The following CHRNA3 variants were observed in gnomAD, a reference collection of about 807,000 sequenced individuals.
The protein encoded by CHRNA3 is cholinergic receptor nicotinic alpha 3 subunit, also known as neuronal acetylcholine receptor subunit alpha-3.
In CHRNA3, 34 loss-of-function variants were observed where a neutral mutation model predicts 41.9. That is an observed-to-expected ratio of 0.81 (90% CI 0.62 to 1.08). The LOEUF (loss-of-function observed/expected upper bound fraction) is 1.08. Among genes scored for constraint, CHRNA3 ranks in the 50% least tolerant of loss-of-function variants. The pLI is 0.00. For synonymous variants in CHRNA3, 281 were observed against 265.2 expected (o/e 1.06, Z -0.58); for missense variants, 542 against 638.3 (o/e 0.85, Z 1.63).
rs1420934335 is a variant in CHRNA3 at position 78,620,849 on chromosome 15, C to A, written c.-55G>T. On this transcript the variant is annotated 5_prime_UTR_variant, in exon 1 of 6. Coordinates refer to ENST00000326828, the MANE Select transcript of CHRNA3 (RefSeq NM_000743.5). ...GACGGTCGGGAGCGGGCGCGGCGGT[C>A]GCAGAGACGGCCTCTCCCCGCGCGG... 2 of 1,325,960 alleles carry A rather than the reference C, an allele frequency of 1.5e-6. No individual in the cohort carries two copies. The highest frequency in any genetic ancestry group is 4.2e-5 in the South Asian group (2 of 47,726). The allele number at this position is 1,325,960 out of a possible 1,614,324, so 82.1% of individuals were successfully genotyped here.
intron 4 of CHRNA3, among the ~76,000 whole-genome samples, chr15:78,602,906 C>T (rs898467091): frequency 4.6e-5 from 7 of 152,166 alleles, no homozygotes; most frequent in African/African-American, 1.2e-4. Flanking sequence ...CCTTGTCTTT[C>T]GAATTCAGCC....
At position 78,601,625 on chromosome 15, in the gene CHRNA3, G is replaced by C; in HGVS notation, c.1017C>G (p.Pro339=). ...TCAAGAATACAGTCTTCACCCATGA[G>C]GGCATTGTGTGTGTCGTCGGGGTTC... ...HYRTPTTHTM[P]SWVKTVFLNL... The change falls in exon 5 of 6, where the codon CCC becomes CCG. Residue 339 remains proline (P), a synonymous_variant. Transcript: ENST00000326828. 1.2e-6 allele frequency: 2 copies of C among 1,614,192 alleles called. No homozygotes were observed. Among genetic ancestry groups the C allele is most frequent in the Non-Finnish European group, 1.7e-6 (2 of 1,180,046 alleles).
rs1451264295 is a variant in CHRNA3, at chr15:78,617,005, G to A, written c.377+19C>T. 6.3e-7 allele frequency: 1 copy of A among 1,576,364 alleles called. No individual in the cohort carries two copies. Among genetic ancestry groups the A allele is most frequent in the Admixed American group, 1.7e-5 (1 of 59,352 alleles). On this transcript the variant is annotated intron_variant, in intron 4 of 5. Coordinates refer to ENST00000326828, the MANE Select transcript of CHRNA3 (RefSeq NM_000743.5). ...CAGGCTGACAGCCCTGAGAGGGCGTGGGCCCCCCAGCACCTTACTTGTTAT... is the reference window on the plus strand; with the variant it reads ...CAGGCTGACAGCCCTGAGAGGGCGTAGGCCCCCCAGCACCTTACTTGTTAT...
intron 4 of CHRNA3, among the ~76,000 whole-genome samples, chr15:78,614,366 C>T (rs2053431141): frequency 1.3e-5 from 2 of 152,190 alleles, no homozygotes; most frequent in Admixed American, 1.3e-4. Context: ...AATCTGCAAG[C>T]CTGTTGAGTT....
At chr15:78,619,506 C>T (rs2053517201) in intron 1 of CHRNA3, among the ~76,000 whole-genome samples, 1 of 152,076 alleles carries the variant, frequency 6.6e-6, no homozygotes, top group Non-Finnish European at 1.5e-5. Context: ...TCTTCTACCT[C>T]CCAGCCTCCG....
chr15:78,598,065 T>C (rs1275240547), intron 5 of CHRNA3, among the ~76,000 whole-genome samples: 1 of 152,162 alleles, frequency 6.6e-6, no homozygotes, highest in Non-Finnish European at 1.5e-5. Context: ...AGCCACCTCC[T>C]AAGGCTCTAG....
intron 4 of CHRNA3, among the ~76,000 whole-genome samples, chr15:78,615,598 ACC>A (rs1362941721): frequency 1.3e-5 from 2 of 152,164 alleles, no homozygotes; most frequent in African/African-American, 4.8e-5. Context: ...TCCTAGGCCT[ACC>A]CAGACCCACT....
At position 78,601,488 on chromosome 15, in the gene CHRNA3, C is replaced by T. The variant is rs199640841; in HGVS notation, c.1154G>A (p.Arg385His). The T allele has an allele frequency of 2.2e-5, 36 of 1,614,018 alleles. No individual in the cohort carries two copies. Among genetic ancestry groups the T allele is most frequent in the East Asian group, 1.3e-4 (6 of 44,876 alleles). The part of the protein sequence containing the change: ...AELSNLNCFS[R>H]AESKGCKEGY... ...CTCCTTGCAGCCTTTGGACTCTGCG[C>T]GGCTGAAGCAATTCAGATTTGAGAG... Residue 385 changes from arginine to histidine, a missense_variant, in exon 5 of 6, where the codon CGC becomes CAC. Physicochemically the swap from Arg to His is conservative, Grantham distance 29. Coordinates refer to ENST00000326828, the MANE Select transcript of CHRNA3 (RefSeq NM_000743.5).
At chr15:78,618,255 A>C (rs992100261) in intron 3 of CHRNA3, 4 of 239,602 alleles carry the variant, frequency 1.7e-5, no homozygotes, top group African/African-American at 7.3e-5. Flanking sequence ...TGGAAAAAAA[A>C]CTGAGTTTTT....
chr15:78,614,792 A>G (rs2053437499), intron 4 of CHRNA3, among the ~76,000 whole-genome samples: 1 of 152,214 alleles, frequency 6.6e-6, no homozygotes, highest in Non-Finnish European at 1.5e-5. Context: ...ATACCCAGAG[A>G]ACTAACTAGC....
chr15:78,601,572 G>A lies in CHRNA3; in HGVS notation c.1070C>T (p.Thr357Ile). 6.2e-7 allele frequency: 1 copy of A among 1,614,112 alleles called. No individual in the cohort carries two copies. Among genetic ancestry groups the A allele is most frequent in the Non-Finnish European group, 8.5e-7 (1 of 1,180,036 alleles). ...LNLLPRVMFM[T>I]RPTSNEGNAQ... ...GTTGCCCTCGTTGCTTGTTGGCCTG[G>A]TCATGAACATGACCCTGGGGAGCAG... The change falls in exon 5 of 6, where the codon ACC (threonine) becomes ATC (isoleucine). Residue 357 changes from threonine (T) to isoleucine (I), a missense_variant. Transcript: ENST00000326828.
chr15:78,598,911 G>A (rs1423399114), intron 5 of CHRNA3, among the ~76,000 whole-genome samples: 1 of 146,202 alleles, frequency 6.8e-6, no homozygotes, highest in African/African-American at 2.6e-5. Flanking sequence ...TTGGCTCACT[G>A]CAACCTCTGT....
intron 4 of CHRNA3, among the ~76,000 whole-genome samples, chr15:78,608,952 C>T (rs1374243065): frequency 3.3e-5 from 5 of 151,890 alleles, no homozygotes; most frequent in Admixed American, 2.0e-4. Flanking sequence ...CCTCAGGAGC[C>T]GATGCAATCA....
intron 4 of CHRNA3, among the ~76,000 whole-genome samples, chr15:78,606,578 A>T (rs996980940): frequency 6.6e-6 from 1 of 152,084 alleles, no homozygotes; most frequent in African/African-American, 2.4e-5. Flanking sequence ...GAATTAGGAA[A>T]AAGAAAAAAA....
intron 5 of CHRNA3, among the ~76,000 whole-genome samples, chr15:78,600,231 C>T (rs990304961): frequency 1.3e-5 from 2 of 152,068 alleles, no homozygotes; most frequent in African/African-American, 2.4e-5. Context: ...CGTGCCACCA[C>T]GCCTGGCTAA....
chr15:78,598,834 C>A (rs1317527279), intron 5 of CHRNA3, among the ~76,000 whole-genome samples: 2 of 121,766 alleles, frequency 1.6e-5, no homozygotes, highest in East Asian at 4.4e-4. Context: ...CTGCACCCGG[C>A]ATTTTTTTTT....
In CHRNA3 at chr15:78,601,835, G is replaced by C; in HGVS notation, c.807C>G (p.Cys269Trp). 6.2e-7 allele frequency: 1 copy of C among 1,614,084 alleles called. No individual in the cohort carries two copies. The highest frequency in any genetic ancestry group is 8.5e-7 in the Non-Finnish European group (1 of 1,180,018). Residue 269 changes from cysteine (C) to tryptophan (W), a missense_variant, in exon 5 of 6, where the codon TGC becomes TGG. Transcript: ENST00000326828. ...TVLVFYLPSD[C>W]GEKVTLCISV... ...AAATGCACAGGGTCACCTTCTCACC[G>C]CAGTCGGAGGGCAGGTAGAAGACGA...
chr15:78,596,749 TAAAA>T lies in CHRNA3; in HGVS notation c.1390-21_1390-18del, dbSNP rs149274426. ...ATCTTGAATCTGCAAAACAAAATGATAAAAGAAAAAAAACATGGAGGGAAAGGCA... is the reference window on the plus strand; with the variant it reads ...ATCTTGAATCTGCAAAACAAAATGATGAAAAAAAACATGGAGGGAAAGGCA... On this transcript the variant is annotated intron_variant, in intron 5 of 5. Coordinates refer to ENST00000326828, the MANE Select transcript of CHRNA3 (RefSeq NM_000743.5). 736 of 1,584,712 alleles carry T rather than the reference TAAAA, an allele frequency of 4.6e-4. 5 individuals carry two copies. In the African/African-American group the frequency reaches 9.3e-3, roughly 20 times the overall value.
Position 78,601,739 on chromosome 15 carries a change from G to T in CHRNA3, c.903C>A (p.Ile301=). 6.2e-7 allele frequency: 1 copy of T among 1,614,162 alleles called. No individual in the cohort carries two copies. Among genetic ancestry groups the T allele is most frequent in the Non-Finnish European group, 8.5e-7 (1 of 1,180,034 alleles). The change falls in exon 5 of 6, where the codon ATC becomes ATA. Residue 301 remains isoleucine, a synonymous_variant. Transcript: ENST00000326828. ...TETIPSTSLV[I]PLIGEYLLFT... ...ACAGGAGGTACTCTCCAATCAGGGGGATGACCAGCGAGGTGGAAGGGATGG... is the reference window on the plus strand; with the variant it reads ...ACAGGAGGTACTCTCCAATCAGGGGTATGACCAGCGAGGTGGAAGGGATGG...
Sources: allele counts gnomAD v4.1 joint callset (sites outside exome capture counted in the v4.1 genomes callset), GRCh38; gene constraint gnomAD v4.1.1; transcripts MANE v1.5; gene names NCBI Gene and HGNC (gene_info 2026-07-23, HGNC 2026-07-21).